FNDC3B: variants seen among roughly 807,000 people sequenced by gnomAD.
FNDC3B encodes fibronectin type III domain-containing protein 3B.
A neutral mutation model predicts 151.5 loss-of-function variants in FNDC3B; 12 were observed. The observed-to-expected ratio is 0.08, with a 90% CI of 0.05 to 0.13. The LOEUF (loss-of-function observed/expected upper bound fraction) is 0.13, where lower values mean the gene tolerates loss of function less well. Ranked by LOEUF, FNDC3B falls within the 10% of genes least tolerant of loss-of-function variation. The pLI is 1.00. For missense variants in FNDC3B, 1,214 were observed against 1,505.3 expected (o/e 0.81, Z 3.20); for synonymous variants, 528 against 549.0 (o/e 0.96, Z 0.54).
intron 25 of FNDC3B, among the ~76,000 whole-genome samples, chr3:172,382,628 T>G (rs1735518136): frequency 6.6e-6 from 1 of 152,224 alleles, no homozygotes; most frequent in African/African-American, 2.4e-5. Flanking sequence ...TTAATCCATC[T>G]TGAGTTAATT....
intron 5 of FNDC3B, 119 bp downstream of exon 5, chr3:172,247,895 G>C (rs1371554234): frequency 8.8e-7 from 1 of 1,136,238 alleles, no homozygotes; most frequent in African/African-American, 1.5e-5. Flanking sequence ...TAGGTGGTTT[G>C]TAAGACTCAT....
chr3:172,255,522 G>A (rs939994504), intron 6 of FNDC3B, among the ~76,000 whole-genome samples: 2 of 152,066 alleles, frequency 1.3e-5, no homozygotes, highest in Non-Finnish European at 2.9e-5. Context: ...CACCCACCTC[G>A]GCCTCCCAAA....
Position 172,346,412 on chromosome 3 carries a change from C to T in FNDC3B, c.2336C>T (p.Pro779Leu), listed in dbSNP as rs1243887597. Residue 779 changes from proline (P) to leucine (L), a missense_variant, in exon 20 of 26, where the codon CCT becomes CTT. Coordinates refer to ENST00000415807, the MANE Select transcript of FNDC3B (RefSeq NM_022763.4). The stretch of plus-strand genomic sequence containing the variant: ...AAAGCACCTTGTATTTCTTGTACAC[C>T]TGATGGATGTGTCTTAGTGGGTTGG... ...QCKAPCISCT[P>L]DGCVLVGWES... 9.9e-6 allele frequency: 16 copies of T among 1,612,754 alleles called. No individual in the cohort carries two copies. Among genetic ancestry groups the T allele is most frequent in the Non-Finnish European group, 1.4e-5 (16 of 1,179,086 alleles).
intron 1 of FNDC3B, among the ~76,000 whole-genome samples, chr3:172,039,985 G>A (rs961305837): frequency 6.6e-6 from 1 of 152,190 alleles, no homozygotes; most frequent in African/African-American, 2.4e-5. Context: ...GACCCGGGAG[G>A]GGGCGGCCCC....
intron 11 of FNDC3B, among the ~76,000 whole-genome samples, chr3:172,313,368 G>C (rs1225899254): frequency 3.3e-5 from 5 of 152,160 alleles, no homozygotes; most frequent in African/African-American, 1.2e-4. Context: ...TGACCTCTCT[G>C]GTCCTTAGTT....
In FNDC3B at chr3:172,392,811, T is replaced by TTTTTTTTC. The variant is rs1736082011; in HGVS notation, c.3304-4346_3304-4345insCTTTTTTT. 1.8e-4 allele frequency among the ~76,000 whole-genome samples: 3 copies of TTTTTTTTC among 16,486 alleles called. 1 individual carries two copies. Among genetic ancestry groups the TTTTTTTTC allele is most frequent in the African/African-American group, 2.7e-4 (3 of 11,302 alleles). 10.8% of individuals were successfully genotyped at this position (16,486 alleles called of 152,430 possible). On this transcript the variant is annotated intron_variant, in intron 25 of 25. Transcript: ENST00000415807. Reference sequence around the variant, plus strand: ...AATGAATTTTTTCTTTTTTTTTTTCTTTTTTTTTTTTCAGACAGAGAGTAT... The same window carrying TTTTTTTTC: ...AATGAATTTTTTCTTTTTTTTTTTCTTTTTTTTCTTTTTTTTTTTCAGACAGAGAGTAT...
intron 2 of FNDC3B, among the ~76,000 whole-genome samples, chr3:172,113,245 C>T (rs1720067935): frequency 6.6e-6 from 1 of 152,174 alleles, no homozygotes; most frequent in African/African-American, 2.4e-5. Flanking sequence ...CACAGTTTTA[C>T]AACTAGATAT....
intron 2 of FNDC3B, among the ~76,000 whole-genome samples, chr3:172,116,763 A>G (rs1559973512): frequency 6.6e-6 from 1 of 152,022 alleles, no homozygotes; most frequent in Non-Finnish European, 1.5e-5. Context: ...ATGGCATTTC[A>G]CCATGTTGGC....
chr3:172,217,383 A>G (rs1726042189), intron 3 of FNDC3B, among the ~76,000 whole-genome samples: 1 of 152,210 alleles, frequency 6.6e-6, no homozygotes, highest in South Asian at 2.1e-4. Flanking sequence ...TTTCTGTACC[A>G]TTCATTGCTA....
chr3:172,078,463 A>T (rs1718130075), intron 1 of FNDC3B, among the ~76,000 whole-genome samples: 1 of 152,206 alleles, frequency 6.6e-6, no homozygotes, highest in African/African-American at 2.4e-5. Flanking sequence ...GGCTGTTGCA[A>T]TGTCCACCTC....
chr3:172,360,750 G>A (rs965287006), intron 22 of FNDC3B, among the ~76,000 whole-genome samples: 1 of 151,704 alleles, frequency 6.6e-6, no homozygotes, highest in African/African-American at 2.4e-5. Flanking sequence ...ATTTGTGTAG[G>A]TCTATTTCTG....
chr3:172,358,640 C>T (rs1040718563), intron 22 of FNDC3B, among the ~76,000 whole-genome samples: 6 of 152,222 alleles, frequency 3.9e-5, no homozygotes, highest in Admixed American at 2.0e-4. Flanking sequence ...GTGACACTCT[C>T]AAAGAAGTCA....
At chr3:172,059,598 A>G (rs1717089641) in intron 1 of FNDC3B, among the ~76,000 whole-genome samples, 1 of 152,180 alleles carries the variant, frequency 6.6e-6, no homozygotes, top group African/African-American at 2.4e-5. Flanking sequence ...TGACCTATTT[A>G]TTTGAAATTT....
intron 3 of FNDC3B, among the ~76,000 whole-genome samples, chr3:172,139,527 G>T (rs1721517533): frequency 6.6e-6 from 1 of 152,112 alleles, no homozygotes; most frequent in South Asian, 2.1e-4. Flanking sequence ...GCTGAAATTT[G>T]CAACCAGTTT....
At chr3:172,120,598 TG>T (rs1367804673) in intron 2 of FNDC3B, among the ~76,000 whole-genome samples, 1 of 152,168 alleles carries the variant, frequency 6.6e-6, no homozygotes, top group Non-Finnish European at 1.5e-5. Flanking sequence ...TTTTTGTTTT[TG>T]TTTTTTTACC....
chr3:172,321,761 A>G (rs992847873), intron 11 of FNDC3B: 2 of 191,480 alleles, frequency 1.0e-5, no homozygotes, highest in Non-Finnish European at 2.0e-5. Context: ...TTTATTTTTT[A>G]TAAATTTTTT....
chr3:172,311,394 G>A (rs7613850), intron 11 of FNDC3B, among the ~76,000 whole-genome samples: 9,244 of 152,050 alleles, frequency 0.061, 1,009 homozygotes, highest in African/African-American at 0.21. Flanking sequence ...GTCCTGTATC[G>A]GATGCCCCCC....
chr3:172,118,204 C>A (rs916118262), intron 2 of FNDC3B, among the ~76,000 whole-genome samples: 1 of 152,240 alleles, frequency 6.6e-6, no homozygotes, highest in African/African-American at 2.4e-5. Context: ...TGGTGCTCAT[C>A]ATCAGCATGT....
intron 3 of FNDC3B, among the ~76,000 whole-genome samples, chr3:172,194,912 G>A (rs140614521): frequency 4.5e-4 from 69 of 152,286 alleles, no homozygotes; most frequent in Non-Finnish European, 7.5e-4. Flanking sequence ...TTGCCTTGGC[G>A]AAGTAACGGC....
Sources: allele counts gnomAD v4.1 joint callset (sites outside exome capture counted in the v4.1 genomes callset), GRCh38; gene constraint gnomAD v4.1.1; transcripts MANE v1.5; gene names NCBI Gene and HGNC (gene_info 2026-07-23, HGNC 2026-07-21).